The following MTSS2 variants were observed in gnomAD, a reference collection of about 807,000 sequenced individuals.
The protein encoded by MTSS2 is protein MTSS 2.
Under a neutral mutation model 67.1 loss-of-function variants are expected in MTSS2, and 27 were observed. The observed-to-expected ratio is 0.40, with a 90% CI of 0.30 to 0.55. The LOEUF (loss-of-function observed/expected upper bound fraction) is 0.55, where lower values mean the gene tolerates loss of function less well. MTSS2 is among the 20% of genes least tolerant of loss of function. The probability of loss-of-function intolerance (pLI) is 0.43; values close to 1 mark genes in which losing one functional copy is unlikely to be tolerated. For synonymous variants in MTSS2, 624 were observed against 468.6 expected, an observed-to-expected ratio of 1.33 and a Z score of -4.28; for missense variants, 1,171 against 1,067.8, an observed-to-expected ratio of 1.10 and a Z score of -1.35.
intron 11 of MTSS2, among the ~76,000 whole-genome samples, chr16:70,672,437 A>G (rs1473105436): frequency 1.3e-5 from 2 of 151,520 alleles, no homozygotes; most frequent in African/African-American, 4.8e-5. Context: ...GCAGGACAGG[A>G]GAGAGAAAAC....
At chr16:70,675,982 G>A (rs2053104036) in intron 10 of MTSS2, among the ~76,000 whole-genome samples, 1 of 152,184 alleles carries the variant, frequency 6.6e-6, no homozygotes, top group African/African-American at 2.4e-5. Context: ...CCCTGCTCAT[G>A]GCTGTCCCCT....
intron 10 of MTSS2, 106 bp from the exon 11 acceptor site, chr16:70,674,634 G>T: frequency 1.1e-6 from 1 of 933,990 alleles, no homozygotes; most frequent in Non-Finnish European, 1.6e-6. Context: ...GAGGGGCAAA[G>T]GAAGGAAAAG....
intron 1 of MTSS2, among the ~76,000 whole-genome samples, chr16:70,684,399 G>A (rs1200134730): frequency 2.0e-5 from 3 of 152,002 alleles, no homozygotes; most frequent in East Asian, 1.9e-4. Flanking sequence ...TCTACAAGCC[G>A]CTAACTGGGT....
In MTSS2 at chr16:70,669,882, C is replaced by T. The variant is rs530905392; in HGVS notation, c.1054-4342G>A. On this transcript the variant is annotated intron_variant, in intron 11 of 14. Transcript: ENST00000338779. ...ATTAGAGAAATGCAAACAAAATATACAGGGAACTACTATTACTCTGCACCC... is the reference window on the plus strand; with the variant it reads ...ATTAGAGAAATGCAAACAAAATATATAGGGAACTACTATTACTCTGCACCC... Among the ~76,000 whole-genome samples, 3 of 151,392 alleles carry T rather than the reference C, an allele frequency of 2.0e-5. No homozygotes were observed. In the South Asian group the frequency reaches 6.3e-4, roughly 32 times the overall value.
rs2053281483 is a variant in MTSS2, at chr16:70,680,883, A to G, written c.132-16T>C. On this transcript the variant is annotated splice_polypyrimidine_tract_variant and intron_variant, in intron 2 of 14. Transcript: ENST00000338779. ...CACGGTGGTCCTGGGGAGAGGGACA[A>G]CGGCATGGATGGTCGGTGGTTGGGC... 2 of 1,130,472 alleles carry G rather than the reference A, an allele frequency of 1.8e-6. No individual in the cohort carries two copies. Among genetic ancestry groups the G allele is most frequent in the Admixed American group, 2.4e-5 (1 of 41,744 alleles). The allele number at this position is 1,130,472 out of a possible 1,614,324, so 70.0% of individuals were successfully genotyped here. A position where few individuals can be genotyped will look rare whatever the true frequency, so the allele number is the denominator to read the frequency against.
In MTSS2 at chr16:70,677,849, G is replaced by A. The variant is rs369524222; in HGVS notation, c.675C>T (p.Ile225=). 96 of 1,612,504 alleles carry A rather than the reference G, an allele frequency of 6.0e-5. No homozygotes were observed. Among genetic ancestry groups the A allele is most frequent in the Non-Finnish European group, 7.3e-5 (86 of 1,179,684 alleles). ...LGEITHLQGI[I]DDLVVLTAEP... ...CTGCTGTCAGCACCACCAAGTCGTC[G>A]ATGATGCCCTGCAGGTGGGTGATCT... Residue 225 remains isoleucine (I), a synonymous_variant, in exon 9 of 15, where the codon ATC becomes ATT. Transcript: ENST00000338779.
chr16:70,678,487 G>T lies in MTSS2; in HGVS notation c.467-78C>A, dbSNP rs905263990. ...CACCCACAAATGGGCTCAGACCCTG[G>T]TGGTGGCATCTCTCGGCCGTTGGGC... On this transcript the variant is annotated intron_variant, in intron 7 of 14. Coordinates refer to ENST00000338779, the MANE Select transcript of MTSS2 (RefSeq NM_138383.3). 3.3e-6 allele frequency: 5 copies of T among 1,513,042 alleles called. No individual in the cohort carries two copies. The East Asian group carries it at 9.2e-5, about 28-fold the overall frequency. 93.7% of individuals were successfully genotyped at this position (1,513,042 alleles called of 1,614,324 possible). A position where few individuals can be genotyped will look rare whatever the true frequency, so the allele number is the denominator to read the frequency against.
At chr16:70,669,570 C>T (rs1422959164) in intron 11 of MTSS2, among the ~76,000 whole-genome samples, 1 of 151,992 alleles carries the variant, frequency 6.6e-6, no homozygotes, top group Admixed American at 6.6e-5. Flanking sequence ...AATCCCAGCA[C>T]TTTGGGAGGC....
At chr16:70,678,137 T>C (rs1047664337) in intron 8 of MTSS2, 115 bp downstream of exon 8, 43 of 1,327,370 alleles carry the variant, frequency 3.2e-5, no homozygotes, top group African/African-American at 1.2e-4. Flanking sequence ...GCCAGGAGCA[T>C]GTGGCCTTGA....
chr16:70,676,345 G>T (rs573225920), intron 10 of MTSS2, among the ~76,000 whole-genome samples: 3 of 152,218 alleles, frequency 2.0e-5, no homozygotes. Flanking sequence ...CTCCAAATGC[G>T]GCAGCTGCCT....
Position 70,674,413 on chromosome 16 carries a change from T to C in MTSS2, c.946A>G (p.Thr316Ala). ...RYRSLAQPAT[T>A]TARLSSVSSH... Reference sequence around the variant, plus strand: ...GAAACGCTGGAGAGGCGAGCGGTGGTGGTGGCTGGCTGCGCCAGGCTGCGG... The same window carrying C: ...GAAACGCTGGAGAGGCGAGCGGTGGCGGTGGCTGGCTGCGCCAGGCTGCGG... Residue 316 changes from threonine (T) to alanine (A), a missense_variant, in exon 11 of 15, where the codon ACC (threonine) becomes GCC (alanine). Physicochemically the swap from Thr to Ala is moderately conservative, Grantham distance 58. Coordinates refer to ENST00000338779, the MANE Select transcript of MTSS2 (RefSeq NM_138383.3). 9.9e-6 allele frequency: 16 copies of C among 1,614,012 alleles called. No individual in the cohort carries two copies. Among genetic ancestry groups the C allele is most frequent in the Non-Finnish European group, 1.3e-5 (15 of 1,180,008 alleles).
Position 70,661,325 on chromosome 16 carries a change from T to A in MTSS2, c.*2352A>T. On this transcript the variant is annotated 3_prime_UTR_variant, in exon 15 of 15. Transcript: ENST00000338779. ...AGGGGGCGGGGAGGAGAGGAGAATTTTTCCAAAATCTGACGGAAAGAAAAG... is the reference window on the plus strand; with the variant it reads ...AGGGGGCGGGGAGGAGAGGAGAATTATTCCAAAATCTGACGGAAAGAAAAG... 2.3e-6 allele frequency: 1 copy of A among 443,554 alleles called. No individual in the cohort carries two copies. The highest frequency in any genetic ancestry group is 1.6e-5 in the South Asian group (1 of 63,890). The allele number at this position is 443,554 out of a possible 1,614,324, so 27.5% of individuals were successfully genotyped here.
Position 70,674,513 on chromosome 16 carries a change from A to G in MTSS2, c.846T>C (p.Ser282=). 1 of 1,613,410 alleles carries G rather than the reference A, an allele frequency of 6.2e-7. No individual in the cohort carries two copies. Among genetic ancestry groups the G allele is most frequent in the Non-Finnish European group, 8.5e-7 (1 of 1,179,970 alleles). The part of the protein sequence containing the change: ...KSSMCSAPSS[S]SSAKGGGAPW... ...GGGCTCCGCCACCCTTGGCACTGCT[A>G]CTGCTGCTGGGGGCACTAGGGGAGT... Residue 282 remains serine, a synonymous_variant, in exon 11 of 15, where the codon AGT becomes AGC. Transcript: ENST00000338779.
rs761754014 is a variant in MTSS2, at chr16:70,665,305, T to A, written c.1128+161A>T. ...AAGATGTGGCTGTGTGGGCAGTGAC[T>A]GTAGGAAATGGCCAGGTGGCTTGTC... On this transcript the variant is annotated intron_variant, in intron 12 of 14. Transcript: ENST00000338779. 20 of 936,476 alleles carry A rather than the reference T, an allele frequency of 2.1e-5. No homozygotes were observed. The East Asian group carries it at 5.0e-4, about 24-fold the overall frequency. The allele number at this position is 936,476 out of a possible 1,614,324, so 58.0% of individuals were successfully genotyped here.
At chr16:70,664,490 C>T in intron 14 of MTSS2, 41 bp from the exon 15 acceptor site, 1 of 1,542,690 alleles carries the variant, frequency 6.5e-7, no homozygotes, top group Non-Finnish European at 8.8e-7. Flanking sequence ...GCCCAGGTGG[C>T]CCCTTGCCCC....
chr16:70,665,116 G>A lies in MTSS2; in HGVS notation c.1129-20C>T. 6.3e-7 allele frequency: 1 copy of A among 1,580,064 alleles called. No homozygotes were observed. The highest frequency in any genetic ancestry group is 8.5e-7 in the Non-Finnish European group (1 of 1,170,238). ...CCAGTCCTGCAGGGAGGGTGTGGCA[G>A]GTCAGGGGGACCACTGGCCCTACCA... On this transcript the variant is annotated intron_variant, in intron 12 of 14. Transcript: ENST00000338779.
intron 8 of MTSS2, 130 bp from the exon 9 acceptor site, chr16:70,678,029 G>A (rs1287217769): frequency 2.4e-5 from 23 of 968,434 alleles, no homozygotes; most frequent in African/African-American, 4.9e-5. Flanking sequence ...AATGCTGCTC[G>A]GGGCTGGTGC....
chr16:70,663,512 G>A lies in MTSS2; in HGVS notation c.*165C>T, dbSNP rs75293170. The stretch of plus-strand genomic sequence containing the variant: ...CAGGCTTGCTAAGAAGTCACTTCCT[G>A]TTTAAATGCTGGAATCCAAGTGAGG... On this transcript the variant is annotated 3_prime_UTR_variant, in exon 15 of 15. Coordinates refer to ENST00000338779, the MANE Select transcript of MTSS2 (RefSeq NM_138383.3). The A allele has an allele frequency of 1.9e-5, 25 of 1,317,888 alleles. No homozygotes were observed. The highest frequency in any genetic ancestry group is 2.4e-5 in the Non-Finnish European group (24 of 999,756). The allele number at this position is 1,317,888 out of a possible 1,614,324, so 81.6% of individuals were successfully genotyped here.
rs1178046268 is a variant in MTSS2, at chr16:70,679,781, C to T, written c.382+5G>A. 6.2e-7 allele frequency: 1 copy of T among 1,611,724 alleles called. No individual in the cohort carries two copies. The highest frequency in any genetic ancestry group is 1.3e-5 in the African/African-American group (1 of 75,046). ...GTGGGAAGCCCGGCTCCGCGCCACC[C>T]TCACCTTTCGCGTGGTCCTTGTCCA... On this transcript the variant is annotated splice_donor_5th_base_variant and intron_variant, in intron 5 of 14. Coordinates refer to ENST00000338779, the MANE Select transcript of MTSS2 (RefSeq NM_138383.3).
Sources: allele counts gnomAD v4.1 joint callset (sites outside exome capture counted in the v4.1 genomes callset), GRCh38; gene constraint gnomAD v4.1.1; transcripts MANE v1.5; gene names NCBI Gene and HGNC (gene_info 2026-07-23, HGNC 2026-07-21).